The following EBF3 variants were observed in gnomAD, a reference collection of about 807,000 sequenced individuals.
The protein encoded by EBF3 is EBF transcription factor 3.
In EBF3, 18 loss-of-function variants were observed where a neutral mutation model predicts 77.1. The ratio of observed to expected loss-of-function variants is 0.23; its 90% CI spans 0.16 to 0.35. The LOEUF (loss-of-function observed/expected upper bound fraction) is 0.35, where lower values mean the gene tolerates loss of function less well. Ranked by LOEUF, EBF3 falls within the 10% of genes least tolerant of loss-of-function variation. The pLI, the probability that EBF3 is intolerant of heterozygous loss-of-function variation, is 1.00. For synonymous variants in EBF3, 350 were observed against 343.5 expected (o/e 1.02, Z -0.21); for missense variants, 558 against 860.0 (o/e 0.65, Z 4.39).
At chr10:129,916,661 G>A (rs1227727029) in intron 6 of EBF3, among the ~76,000 whole-genome samples, 1 of 152,224 alleles carries the variant, frequency 6.6e-6, no homozygotes, top group Non-Finnish European at 1.5e-5. Flanking sequence ...GCTGGATGCA[G>A]GGAGTGTGAC....
intron 12 of EBF3, 120 bp downstream of exon 12, chr10:129,843,017 C>A (rs1850195178): frequency 1.1e-6 from 1 of 937,428 alleles, no homozygotes; most frequent in African/African-American, 1.6e-5. Context: ...ACATCAGACT[C>A]CTGTGGAGTC....
At position 129,841,515 on chromosome 10, in the gene EBF3, A is replaced by G. The variant is rs962908682; in HGVS notation, c.1373-483T>C. On this transcript the variant is annotated intron_variant, in intron 13 of 16. Coordinates refer to ENST00000440978, the MANE Select transcript of EBF3 (RefSeq NM_001375380.1). This position sits in a 1 kb window ranked among gnomAD's most constrained non-coding sequence, Gnocchi z 4.6. Reference sequence around the variant, plus strand: ...GGGACATGGAAGCTTCATTCCTGCCATGGGAGCTTGTGGATGGACGGGAAC... The same window carrying G: ...GGGACATGGAAGCTTCATTCCTGCCGTGGGAGCTTGTGGATGGACGGGAAC... Among the ~76,000 whole-genome samples the G allele has an allele frequency of 6.6e-6, 1 of 152,148 alleles. No homozygotes were observed. The highest frequency in any genetic ancestry group is 1.5e-5 in the Non-Finnish European group (1 of 68,040).
At position 129,841,329 on chromosome 10, in the gene EBF3, T is replaced by C. The variant is rs1428095678; in HGVS notation, c.1373-297A>G. On this transcript the variant is annotated intron_variant, in intron 13 of 16. Transcript: ENST00000440978. This position sits in a 1 kb window ranked among gnomAD's most constrained non-coding sequence, Gnocchi z 4.6. The stretch of plus-strand genomic sequence containing the variant: ...AGAGGCAATTATCAACAGCTTGGAT[T>C]CCTGGTCTGTCCCCCCACGCTCTGT... Among the ~76,000 whole-genome samples, 3 of 152,192 alleles carry C rather than the reference T, an allele frequency of 2.0e-5. No individual in the cohort carries two copies. Among genetic ancestry groups the C allele is most frequent in the Admixed American group, 1.3e-4 (2 of 15,282 alleles).
At chr10:129,902,504 T>C (rs970902541) in intron 6 of EBF3, among the ~76,000 whole-genome samples, 2 of 151,994 alleles carry the variant, frequency 1.3e-5, no homozygotes, top group East Asian at 3.9e-4. Flanking sequence ...AATGGAGCTG[T>C]AACAGCCATC....
At chr10:129,888,710 T>C (rs1243365920) in intron 6 of EBF3, among the ~76,000 whole-genome samples, 2 of 152,248 alleles carry the variant, frequency 1.3e-5, no homozygotes, top group Non-Finnish European at 2.9e-5. Context: ...CTATTAGGTA[T>C]ATTAATAATT....
chr10:129,950,613 G>A (rs1029708586), intron 6 of EBF3, among the ~76,000 whole-genome samples: 3 of 152,036 alleles, frequency 2.0e-5, no homozygotes, highest in African/African-American at 4.8e-5. Context: ...CAAAGTCTAA[G>A]AAGCTTATAA....
In EBF3 at chr10:129,963,661, C is replaced by T; in HGVS notation, c.108G>A (p.Val36=). ...PVRSWMHTAG[V]VDANTAAQSG... ...TCTGGGCGGCCGTGTTGGCGTCCAC[C>T]ACGCCCGCCGTGTGCATCCACGAGC... Residue 36 remains valine, a synonymous_variant, in exon 1 of 17, where the codon GTG becomes GTA. Coordinates refer to ENST00000440978, the MANE Select transcript of EBF3 (RefSeq NM_001375380.1). The surrounding 1 kb of genome is among the most constrained non-coding windows in gnomAD (Gnocchi z 7.1). 2.0e-6 allele frequency: 3 copies of T among 1,498,928 alleles called. No individual in the cohort carries two copies. The highest frequency in any genetic ancestry group is 2.7e-6 in the Non-Finnish European group (3 of 1,115,742). 92.9% of individuals were successfully genotyped at this position (1,498,928 alleles called of 1,614,324 possible).
intron 6 of EBF3, among the ~76,000 whole-genome samples, chr10:129,901,837 T>C (rs1359160521): frequency 2.0e-5 from 3 of 152,196 alleles, no homozygotes; most frequent in African/African-American, 4.8e-5. Context: ...CAACGCACAG[T>C]TGGGGACCCT....
Position 129,924,439 on chromosome 10 carries a change from AAAAAAAC to A in EBF3, c.554+32812_554+32818del, listed in dbSNP as rs1247507504. Among the ~76,000 whole-genome samples, 161 of 134,092 alleles carry A rather than the reference AAAAAAAC, an allele frequency of 1.2e-3. 2 individuals are homozygous for A. The highest frequency in any genetic ancestry group is 3.7e-3 in the Middle Eastern group (1 of 268). The allele number at this position is 134,092 out of a possible 152,430, so 88.0% of individuals were successfully genotyped here. ...CAAACAACAACAACAACAAAAAAAA[AAAAAAAC>A]AAAAAACAAAAAACAGAAAATAGGT... On this transcript the variant is annotated intron_variant, in intron 6 of 16. Coordinates refer to ENST00000440978, the MANE Select transcript of EBF3 (RefSeq NM_001375380.1).
At chr10:129,903,208 G>A (rs1241038568) in intron 6 of EBF3, among the ~76,000 whole-genome samples, 1 of 152,196 alleles carries the variant, frequency 6.6e-6, no homozygotes, top group Non-Finnish European at 1.5e-5. Flanking sequence ...AGCATGTACT[G>A]GTTCAGTATA....
At chr10:129,855,719 T>C (rs1589714673) in intron 10 of EBF3, among the ~76,000 whole-genome samples, 1 of 152,118 alleles carries the variant, frequency 6.6e-6, no homozygotes, top group South Asian at 2.1e-4. Context: ...ACCCTCAACA[T>C]GATAAAAAGA....
Position 129,869,322 on chromosome 10 carries a change from G to A in EBF3, c.782-1410C>T, listed in dbSNP as rs191781804. Among the ~76,000 whole-genome samples the A allele has an allele frequency of 1.1e-3, 171 of 152,246 alleles. 1 individual carries two copies. Among genetic ancestry groups the A allele is most frequent in the Non-Finnish European group, 1.8e-3 (123 of 68,008 alleles). ...CCCTTCCGTCGCTCACAGCAACCTC[G>A]AGGGCTACTGGCCCAAAAATGTAGT... On this transcript the variant is annotated intron_variant, in intron 8 of 16. Coordinates refer to ENST00000440978, the MANE Select transcript of EBF3 (RefSeq NM_001375380.1).
chr10:129,963,203 T>G lies in EBF3; in HGVS notation c.291+164A>C. The G allele has an allele frequency of 8.3e-7, 1 of 1,199,134 alleles. No individual in the cohort carries two copies. Among genetic ancestry groups the G allele is most frequent in the Admixed American group, 2.9e-5 (1 of 34,190 alleles). 74.3% of individuals were successfully genotyped at this position (1,199,134 alleles called of 1,614,324 possible). A position where few individuals can be genotyped will look rare whatever the true frequency, so the allele number is the denominator to read the frequency against. On this transcript the variant is annotated intron_variant, in intron 2 of 16. Coordinates refer to ENST00000440978, the MANE Select transcript of EBF3 (RefSeq NM_001375380.1). The surrounding 1 kb of genome is among the most constrained non-coding windows in gnomAD (Gnocchi z 7.1). ...GAGTAAGTCCGAGGGCGCAGAGAAG[T>G]TGCCCAGCCCTCGGCGGTCCCGGGC...
intron 4 of EBF3, among the ~76,000 whole-genome samples, chr10:129,961,420 T>A (rs1282588506): frequency 6.6e-6 from 1 of 152,160 alleles, no homozygotes; most frequent in African/African-American, 2.4e-5. Flanking sequence ...GACTGCACAA[T>A]GTCAAAAAGC....
Position 129,861,888 on chromosome 10 carries a change from C to T in EBF3, c.1039+5253G>A, listed in dbSNP as rs74664371. Among the ~76,000 whole-genome samples, 6,568 of 152,280 alleles carry T rather than the reference C, an allele frequency of 0.043. 288 individuals carry two copies. The highest frequency in any genetic ancestry group is 0.11 in the East Asian group (561 of 5,180). ...TCCAAGTAATTTGTTTGAGGAGCAC[C>T]GGCCTGGGAGACAGCAAGCTGGGGC... On this transcript the variant is annotated intron_variant, in intron 10 of 16. Coordinates refer to ENST00000440978, the MANE Select transcript of EBF3 (RefSeq NM_001375380.1). The surrounding 1 kb of genome is among the most constrained non-coding windows in gnomAD (Gnocchi z 4.3).
rs141477283 is a variant in EBF3, at chr10:129,923,984, C to T, written c.554+33274G>A. On this transcript the variant is annotated intron_variant, in intron 6 of 16. Transcript: ENST00000440978. Reference sequence around the variant, plus strand: ...AAATGGACAAAGGACCTGGAATAGCCGTTTGCCCAAAGAAGACATACAAAT... The same window carrying T: ...AAATGGACAAAGGACCTGGAATAGCTGTTTGCCCAAAGAAGACATACAAAT... 7.7e-4 allele frequency among the ~76,000 whole-genome samples: 117 copies of T among 152,264 alleles called. 3 individuals are homozygous for T. The South Asian group carries it at 8.7e-3, about 11-fold the overall frequency.
At chr10:129,891,818 C>T (rs909232521) in intron 6 of EBF3, among the ~76,000 whole-genome samples, 1 of 152,212 alleles carries the variant, frequency 6.6e-6, no homozygotes, top group Admixed American at 6.5e-5. Flanking sequence ...CAGTGGCTCA[C>T]GGCGTCTCTG....
chr10:129,878,823 CAAAAAA>C (rs10654202), intron 6 of EBF3, among the ~76,000 whole-genome samples: 987 of 58,790 alleles, frequency 0.017, 13 homozygotes, highest in Admixed American at 0.036. Flanking sequence ...AAATCGGTCT[CAAAAAA>C]AAAAAAAAAA....
At chr10:129,882,036 T>A (rs1028562931) in intron 6 of EBF3, among the ~76,000 whole-genome samples, 1 of 152,254 alleles carries the variant, frequency 6.6e-6, no homozygotes, top group Non-Finnish European at 1.5e-5. Context: ...CCGTTTTAAC[T>A]GGAGCCCAAT....
Sources: gnomAD v4.1 joint callset for allele counts (sites outside exome capture counted in the v4.1 genomes callset) on GRCh38, gnomAD v4.1.1 for gene constraint, Gnocchi (gnomAD v3.1) non-coding constraint, MANE v1.5 for transcripts, NCBI Gene and HGNC (gene_info 2026-07-23, HGNC 2026-07-21) for gene names.